The following GRB10 variants were observed in gnomAD, a reference collection of about 807,000 sequenced individuals.
The protein encoded by GRB10 is growth factor receptor bound protein 10.
A neutral mutation model predicts 80.9 loss-of-function variants in GRB10; 20 were observed. The ratio of observed to expected loss-of-function variants is 0.25; its 90% CI spans 0.17 to 0.36. The LOEUF is 0.36. Ranked by LOEUF, GRB10 falls within the 10% of genes least tolerant of loss-of-function variation. The pLI is 1.00. For missense variants in GRB10, 548 were observed against 747.7 expected (o/e 0.73, Z 3.12); for synonymous variants, 291 against 291.5 (o/e 1.00, Z 0.02).
intron 2 of GRB10, among the ~76,000 whole-genome samples, chr7:50,765,608 G>C (rs2076261152): frequency 6.6e-6 from 1 of 152,190 alleles, no homozygotes; most frequent in Non-Finnish European, 1.5e-5. Flanking sequence ...AAGACAGAGA[G>C]TAGATTGGTG....
chr7:50,719,905 T>C (rs573955691), intron 4 of GRB10, among the ~76,000 whole-genome samples: 1 of 152,170 alleles, frequency 6.6e-6, no homozygotes, highest in African/African-American at 2.4e-5. Flanking sequence ...TCCGAGTTCC[T>C]GCATGCTACG....
intron 2 of GRB10, among the ~76,000 whole-genome samples, chr7:50,776,055 A>G (rs10236096): frequency 0.11 from 17,215 of 152,208 alleles, 3,278 homozygotes; most frequent in African/African-American, 0.39. Flanking sequence ...AAATGCCTTC[A>G]GGATCATTCT....
intron 2 of GRB10, among the ~76,000 whole-genome samples, chr7:50,766,670 T>C (rs2076371288): frequency 6.6e-6 from 1 of 152,112 alleles, no homozygotes; most frequent in African/African-American, 2.4e-5. Context: ...AAGAAAGCTG[T>C]AGGGAAACAG....
chr7:50,595,601 T>TAA (rs1554453243), intron 17 of GRB10, 71 bp from the exon 18 acceptor site: 2 of 556,344 alleles, frequency 3.6e-6, no homozygotes, highest in Non-Finnish European at 6.2e-6. Context: ...ACACACTCTC[T>TAA]TACACACACA....
chr7:50,738,325 T>C (rs865984694), intron 3 of GRB10, among the ~76,000 whole-genome samples: 5 of 152,230 alleles, frequency 3.3e-5, no homozygotes, highest in Non-Finnish European at 7.3e-5. Flanking sequence ...CAGGTACTTC[T>C]ATACCCATGT....
chr7:50,732,813 T>G (rs1039027643), intron 3 of GRB10, among the ~76,000 whole-genome samples: 1 of 152,124 alleles, frequency 6.6e-6, no homozygotes, highest in Non-Finnish European at 1.5e-5. Flanking sequence ...AGAACATCAT[T>G]TGAGTGAACA....
intron 5 of GRB10, among the ~76,000 whole-genome samples, chr7:50,696,266 C>T (rs1013090156): frequency 6.6e-6 from 1 of 152,176 alleles, no homozygotes; most frequent in African/African-American, 2.4e-5. Context: ...AAACCGCCTT[C>T]CAGAATTAGA....
rs138681771 is a variant in GRB10, at chr7:50,600,098, C to G, written c.1544+3900G>C. Among the ~76,000 whole-genome samples, 32 of 152,288 alleles carry G rather than the reference C, an allele frequency of 2.1e-4. No homozygotes were observed. In the East Asian group the frequency reaches 5.6e-3, roughly 27 times the overall value. The stretch of plus-strand genomic sequence containing the variant: ...GACGCTACCCCGAAGTGAGCCTGCG[C>G]TGCCTCCCACACACGGCAAGGGTAA... On this transcript the variant is annotated intron_variant, in intron 17 of 18. Coordinates refer to ENST00000401949, the MANE Select transcript of GRB10 (RefSeq NM_001350814.2).
intron 3 of GRB10, among the ~76,000 whole-genome samples, chr7:50,737,606 C>T (rs867440191): frequency 2.0e-5 from 3 of 152,228 alleles, no homozygotes; most frequent in East Asian, 3.8e-4. Context: ...CCCAACACTT[C>T]GGGAGGCCGA....
At chr7:50,610,630 T>C (rs948440825) in intron 13 of GRB10, among the ~76,000 whole-genome samples, 1 of 152,186 alleles carries the variant, frequency 6.6e-6, no homozygotes. Context: ...CTCTGCCACA[T>C]CGTGGCAGCT....
At chr7:50,659,570 C>A (rs1412612502) in intron 7 of GRB10, among the ~76,000 whole-genome samples, 1 of 152,216 alleles carries the variant, frequency 6.6e-6, no homozygotes. Flanking sequence ...GGTCCTGCAC[C>A]TATCTCCCAT....
At position 50,650,917 on chromosome 7, in the gene GRB10, T is replaced by C. The variant is rs1257991218; in HGVS notation, c.504+18805A>G. ...CTTACTGATTTATAAGAGCTCTTTATTTAGGATATTGCAAATGTAAATATT... is the reference window on the plus strand; with the variant it reads ...CTTACTGATTTATAAGAGCTCTTTACTTAGGATATTGCAAATGTAAATATT... On this transcript the variant is annotated intron_variant, in intron 7 of 18. Transcript: ENST00000401949. Among the ~76,000 whole-genome samples, 6 of 152,250 alleles carry C rather than the reference T, an allele frequency of 3.9e-5. No homozygotes were observed. In the East Asian group the frequency reaches 1.2e-3, roughly 29 times the overall value.
At chr7:50,736,057 G>C (rs749573739) in intron 3 of GRB10, among the ~76,000 whole-genome samples, 8 of 151,876 alleles carry the variant, frequency 5.3e-5, no homozygotes, top group African/African-American at 1.9e-4. Context: ...AGACCAAGGC[G>C]GGCGGATCAC....
At chr7:50,611,157 TCACA>T (rs1350280782) in intron 13 of GRB10, among the ~76,000 whole-genome samples, 1 of 152,234 alleles carries the variant, frequency 6.6e-6, no homozygotes, top group Admixed American at 6.5e-5. Context: ...CTCCTGCAGC[TCACA>T]CAATGTTCAT....
chr7:50,637,507 C>T (rs950396098), intron 7 of GRB10, among the ~76,000 whole-genome samples: 1 of 151,916 alleles, frequency 6.6e-6, no homozygotes, highest in Non-Finnish European at 1.5e-5. Flanking sequence ...TGAAAGATTG[C>T]CACAAGGAAA....
intron 5 of GRB10, among the ~76,000 whole-genome samples, chr7:50,683,422 C>A (rs2153651120): frequency 6.6e-6 from 1 of 152,282 alleles, no homozygotes; most frequent in African/African-American, 2.4e-5. Flanking sequence ...TTCTTAATGC[C>A]ATTGAAATGT....
intron 7 of GRB10, among the ~76,000 whole-genome samples, chr7:50,662,755 G>A (rs2715094): frequency 0.8 from 121,488 of 152,178 alleles, 49,047 homozygotes; most frequent in African/African-American, 0.89. Context: ...AACCACCAAC[G>A]GATGCTAAAA....
At position 50,773,275 on chromosome 7, in the gene GRB10, T is replaced by C. The variant is rs1017342192; in HGVS notation, c.-217+7352A>G. On this transcript the variant is annotated intron_variant, in intron 2 of 18. Coordinates refer to ENST00000401949, the MANE Select transcript of GRB10 (RefSeq NM_001350814.2). ...AAATTATGGGAGCTACAATTCAAGA[T>C]GAGATTTGGGACACAGCCAAACGAT... is the stretch of plus-strand genomic sequence containing the variant. Among the ~76,000 whole-genome samples the C allele has an allele frequency of 2.0e-5, 3 of 150,540 alleles. 1 individual carries two copies. Among genetic ancestry groups the C allele is most frequent in the South Asian group, 4.2e-4 (2 of 4,724 alleles).
At chr7:50,742,401 G>C (rs1348733842) in intron 3 of GRB10, among the ~76,000 whole-genome samples, 1 of 152,158 alleles carries the variant, frequency 6.6e-6, no homozygotes, top group Non-Finnish European at 1.5e-5. Flanking sequence ...CTCAATGAAG[G>C]AGACGAAGCT....
Sources: allele counts gnomAD v4.1 joint callset (sites outside exome capture counted in the v4.1 genomes callset), GRCh38; gene constraint gnomAD v4.1.1; transcripts MANE v1.5; gene names NCBI Gene and HGNC (gene_info 2026-07-23, HGNC 2026-07-21).